The following KPNA5 variants were observed in gnomAD, a reference collection of about 807,000 sequenced individuals.
The protein encoded by KPNA5 is importin subunit alpha-6.
In KPNA5, 46 loss-of-function variants were observed where a neutral mutation model predicts 71.3. That is an observed-to-expected ratio of 0.65 (90% CI 0.51 to 0.83). KPNA5 has a LOEUF of 0.83. KPNA5 is among the 40% of genes least tolerant of loss of function. The probability of loss-of-function intolerance (pLI) is 0.00; values close to 1 mark genes in which losing one functional copy is unlikely to be tolerated. For synonymous variants in KPNA5, 207 were observed against 201.4 expected, an observed-to-expected ratio of 1.03 and a Z score of -0.24; for missense variants, 547 against 628.3, an observed-to-expected ratio of 0.87 and a Z score of 1.38.
intron 8 of KPNA5, among the ~76,000 whole-genome samples, chr6:116,720,026 G>C (rs143840363): frequency 3.2e-4 from 49 of 152,262 alleles, no homozygotes; most frequent in African/African-American, 1.2e-3. Flanking sequence ...TTCACATTTT[G>C]TTGTCCAGTT....
chr6:116,692,063 A>G lies in KPNA5; in HGVS notation c.147A>G (p.Lys49=), dbSNP rs367717145. ...ATTTCTCTTTATTACAGTTGTTCAAACGCAGAAATGTCTATTTGCCCAGAA... is the reference window on the plus strand; with the variant it reads ...ATTTCTCTTTATTACAGTTGTTCAAGCGCAGAAATGTCTATTTGCCCAGAA... The part of the protein sequence containing the change: ...RKQKREEQLF[K]RRNVYLPRND... Residue 49 remains lysine, a synonymous_variant, in exon 3 of 14, where the codon AAA becomes AAG. Transcript: ENST00000368564. The G allele has an allele frequency of 8.7e-6, 14 of 1,607,088 alleles. No homozygotes were observed. Among genetic ancestry groups the G allele is most frequent in the African/African-American group, 1.3e-5 (1 of 74,762 alleles).
intron 4 of KPNA5, among the ~76,000 whole-genome samples, chr6:116,697,584 A>G (rs1388577463): frequency 6.6e-6 from 1 of 152,052 alleles, no homozygotes; most frequent in Non-Finnish European, 1.5e-5. Flanking sequence ...TTGCTTATTC[A>G]TCCTACTCAT....
intron 4 of KPNA5, among the ~76,000 whole-genome samples, chr6:116,695,158 G>A (rs767150854): frequency 1.1e-3 from 166 of 151,890 alleles, no homozygotes; most frequent in Non-Finnish European, 1.4e-3. Context: ...GCCCAGGCTG[G>A]TCTCAAACTC....
At chr6:116,692,194 A>G in intron 3 of KPNA5, 38 bp downstream of exon 3, 2 of 1,478,992 alleles carry the variant, frequency 1.4e-6, no homozygotes, top group Non-Finnish European at 1.9e-6. Context: ...TTATACCTCA[A>G]TAATTTTAGC....
chr6:116,708,720 C>A (rs911657023), intron 7 of KPNA5, among the ~76,000 whole-genome samples: 1 of 151,884 alleles, frequency 6.6e-6, no homozygotes, highest in Non-Finnish European at 1.5e-5. Flanking sequence ...TTCTTAATTT[C>A]TTTTTTGACT....
intron 1 of KPNA5, among the ~76,000 whole-genome samples, chr6:116,684,056 GCTT>G (rs1423275488): frequency 6.6e-6 from 1 of 151,582 alleles, no homozygotes; most frequent in Admixed American, 6.6e-5. Context: ...GGGATTACAG[GCTT>G]CTACCAGCAT....
At chr6:116,711,538 A>G (rs1180109878) in intron 7 of KPNA5, among the ~76,000 whole-genome samples, 69 of 143,554 alleles carry the variant, frequency 4.8e-4, no homozygotes, top group African/African-American at 1.5e-3. Flanking sequence ...TTTTCTGCAT[A>G]TGTGTGTGTG....
At chr6:116,717,915 G>A (rs561346356) in intron 8 of KPNA5, among the ~76,000 whole-genome samples, 4 of 152,086 alleles carry the variant, frequency 2.6e-5, no homozygotes, top group South Asian at 2.1e-4. Flanking sequence ...GTTATACTCC[G>A]TCATTTTGTC....
At chr6:116,681,621 C>T in intron 1 of KPNA5, 2 of 984,676 alleles carry the variant, frequency 2.0e-6, no homozygotes, top group Non-Finnish European at 2.6e-6. Context: ...GCCGCCCCGC[C>T]TCACCGTTTC....
chr6:116,704,394 G>A (rs534370724), intron 6 of KPNA5, among the ~76,000 whole-genome samples: 1 of 152,194 alleles, frequency 6.6e-6, no homozygotes, highest in African/African-American at 2.4e-5. Flanking sequence ...ACATGCAAAA[G>A]GTACAGTAAA....
chr6:116,722,079 G>T, intron 8 of KPNA5, 47 bp from the exon 9 acceptor site: 2 of 1,411,802 alleles, frequency 1.4e-6, no homozygotes, highest in South Asian at 1.7e-5. Context: ...AGGAAACTTG[G>T]TTTTAAATAG....
chr6:116,689,312 CCTTT>C lies in KPNA5; in HGVS notation c.5-7_5-4del, dbSNP rs1777703075. ...TCAGTGTCTGTTTTCTTTTCTCCTTCCTTTAAGATGCCATGGCTAGTCCAGGGAA... is the reference window on the plus strand; with the variant it reads ...TCAGTGTCTGTTTTCTTTTCTCCTTCAAGATGCCATGGCTAGTCCAGGGAA... On this transcript the variant is annotated splice_region_variant and splice_polypyrimidine_tract_variant and intron_variant, in intron 1 of 13. Transcript: ENST00000368564. 2 of 1,596,950 alleles carry C rather than the reference CCTTT, an allele frequency of 1.3e-6. No individual in the cohort carries two copies. The highest frequency in any genetic ancestry group is 2.3e-5 in the South Asian group (2 of 87,218).
chr6:116,720,444 T>C (rs976608993), intron 8 of KPNA5, among the ~76,000 whole-genome samples: 2 of 152,222 alleles, frequency 1.3e-5, no homozygotes, highest in Non-Finnish European at 2.9e-5. Flanking sequence ...GAAATGTTTT[T>C]ACTTTGCTCA....
Position 116,705,948 on chromosome 6 carries a change from C to T in KPNA5, c.656+788C>T, listed in dbSNP as rs570115041. 2.6e-4 allele frequency among the ~76,000 whole-genome samples: 40 copies of T among 152,288 alleles called. 1 individual carries two copies. The South Asian group carries it at 8.3e-3, about 32-fold the overall frequency. On this transcript the variant is annotated intron_variant, in intron 7 of 13. Transcript: ENST00000368564. ...CAGAAGTTATTTCTTGGCATGGTTT[C>T]ACTTAACCAATATTAATCGAAGATC...
At chr6:116,705,944 G>T (rs1038252514) in intron 7 of KPNA5, among the ~76,000 whole-genome samples, 8 of 152,242 alleles carry the variant, frequency 5.3e-5, no homozygotes, top group Middle Eastern at 6.8e-3. Flanking sequence ...TCTTGGCATG[G>T]TTTCACTTAA....
chr6:116,737,482 C>G lies in KPNA5; in HGVS notation c.*5159C>G, dbSNP rs1210950229. ...ACCTTGTGAACTCTAGTTTTGTCCT[C>G]CCTGGCTTCCTAACTCTTTCTCCCC... On this transcript the variant is annotated 3_prime_UTR_variant, in exon 14 of 14. Transcript: ENST00000368564. 2 of 151,972 alleles carry G rather than the reference C, an allele frequency of 1.3e-5. No homozygotes were observed. Among genetic ancestry groups the G allele is most frequent in the Non-Finnish European group, 2.9e-5 (2 of 67,940 alleles). The allele number at this position is 151,972 out of a possible 1,614,324, so 9.4% of individuals were successfully genotyped here.
chr6:116,715,606 T>C (rs1027051864), intron 7 of KPNA5, among the ~76,000 whole-genome samples: 1 of 152,168 alleles, frequency 6.6e-6, no homozygotes, highest in African/African-American at 2.4e-5. Context: ...TGAATTCATA[T>C]ATTATTTTCA....
chr6:116,711,929 G>A (rs939159775), intron 7 of KPNA5, among the ~76,000 whole-genome samples: 1 of 152,158 alleles, frequency 6.6e-6, no homozygotes, highest in African/African-American at 2.4e-5. Flanking sequence ...CCTAGACCAT[G>A]TAAGTTTTTA....
Position 116,729,628 on chromosome 6 carries a change from T to G in KPNA5, c.1319T>G (p.Ile440Arg), listed in dbSNP as rs1196836268. ...CTTTTGACTGTTATGGACTCCAAAATAGTCCAAGTGGCTTTAAATGGACTT... is the reference window on the plus strand; with the variant it reads ...CTTTTGACTGTTATGGACTCCAAAAGAGTCCAAGTGGCTTTAAATGGACTT... Reference protein sequence around the residue: ...CDLLTVMDSKIVQVALNGLEN... With the variant: ...CDLLTVMDSKRVQVALNGLEN... Residue 440 changes from isoleucine to arginine, a missense_variant, in exon 13 of 14, where the codon ATA becomes AGA. By Grantham distance (97) the Ile-to-Arg change is moderately conservative (BLOSUM62 -3). Coordinates refer to ENST00000368564, the MANE Select transcript of KPNA5 (RefSeq NM_001366306.2). 1.9e-6 allele frequency: 3 copies of G among 1,609,672 alleles called. No homozygotes were observed. Among genetic ancestry groups the G allele is most frequent in the Non-Finnish European group, 2.5e-6 (3 of 1,177,614 alleles).
Sources: gnomAD v4.1 joint callset for allele counts (sites outside exome capture counted in the v4.1 genomes callset) on GRCh38, gnomAD v4.1.1 for gene constraint, MANE v1.5 for transcripts, NCBI Gene and HGNC (gene_info 2026-07-23, HGNC 2026-07-21) for gene names.